The following SH3RF3 variants were observed in gnomAD, a reference collection of about 807,000 sequenced individuals.
SH3RF3 encodes SH3 domain containing ring finger 3, also known as E3 ubiquitin-protein ligase SH3RF3.
In SH3RF3, 29 loss-of-function variants were observed where a neutral mutation model predicts 66.3. That is an observed-to-expected ratio of 0.44 (90% CI 0.33 to 0.60). SH3RF3 has a LOEUF of 0.60. Ranked by LOEUF, SH3RF3 falls within the 20% of genes least tolerant of loss-of-function variation. The pLI is 0.04. For synonymous variants in SH3RF3, 583 were observed against 532.0 expected (o/e 1.10, Z -1.32); for missense variants, 1,194 against 1,190.9 (o/e 1.00, Z -0.04).
chr2:109,357,191 T>G (rs1384712950), intron 2 of SH3RF3, among the ~76,000 whole-genome samples: 2 of 147,980 alleles, frequency 1.4e-5, no homozygotes, highest in African/African-American at 5.2e-5. Flanking sequence ...GTTTTTTGGT[T>G]TTTTTTTTGA....
At chr2:109,463,671 G>A (rs1385884221) in intron 8 of SH3RF3, among the ~76,000 whole-genome samples, 1 of 152,242 alleles carries the variant, frequency 6.6e-6, no homozygotes, top group Non-Finnish European at 1.5e-5. Context: ...CAAAAGAGGA[G>A]ATGTTCATGT....
intron 8 of SH3RF3, among the ~76,000 whole-genome samples, chr2:109,477,519 G>C (rs1678715134): frequency 6.6e-6 from 1 of 152,226 alleles, no homozygotes; most frequent in African/African-American, 2.4e-5. Flanking sequence ...GAGACCAGGA[G>C]AGCCTCTCCC....
chr2:109,236,441 C>T (rs1679651962), intron 1 of SH3RF3, among the ~76,000 whole-genome samples: 1 of 152,160 alleles, frequency 6.6e-6, no homozygotes, highest in South Asian at 2.1e-4. Flanking sequence ...CAAACTTCAC[C>T]TTGAGCACAC....
At chr2:109,327,808 TATAC>T (rs1210764041) in intron 1 of SH3RF3, among the ~76,000 whole-genome samples, 2 of 152,256 alleles carry the variant, frequency 1.3e-5, no homozygotes, top group Non-Finnish European at 2.9e-5. Context: ...GACTTTTACA[TATAC>T]ATACCACTTC....
intron 1 of SH3RF3, among the ~76,000 whole-genome samples, chr2:109,339,682 C>G (rs1418692768): frequency 6.6e-6 from 1 of 152,182 alleles, no homozygotes; most frequent in Non-Finnish European, 1.5e-5. Context: ...CTGCTGGGGA[C>G]TTGCTCAAGT....
intron 1 of SH3RF3, among the ~76,000 whole-genome samples, chr2:109,163,604 T>A (rs1574482042): frequency 6.6e-6 from 1 of 151,578 alleles, no homozygotes; most frequent in Non-Finnish European, 1.5e-5. Context: ...TTTCACCGTT[T>A]TAGCCGGGAT....
At chr2:109,217,212 A>G (rs1179319542) in intron 1 of SH3RF3, among the ~76,000 whole-genome samples, 1 of 152,210 alleles carries the variant, frequency 6.6e-6, no homozygotes, top group Non-Finnish European at 1.5e-5. Context: ...TGTAGACAAT[A>G]TTCTGGGAGC....
At chr2:109,234,019 T>C (rs1337749549) in intron 1 of SH3RF3, among the ~76,000 whole-genome samples, 1 of 152,200 alleles carries the variant, frequency 6.6e-6, no homozygotes, top group African/African-American at 2.4e-5. Context: ...AACATTGACA[T>C]GAAGGTTTTT....
At chr2:109,391,493 T>G (rs1021385387) in intron 3 of SH3RF3, among the ~76,000 whole-genome samples, 2 of 152,224 alleles carry the variant, frequency 1.3e-5, no homozygotes, top group African/African-American at 4.8e-5. Flanking sequence ...AGCACACTCC[T>G]GCAGTGCTCT....
At chr2:109,457,827 A>T (rs1040128913) in intron 8 of SH3RF3, among the ~76,000 whole-genome samples, 1 of 152,104 alleles carries the variant, frequency 6.6e-6, no homozygotes, top group African/African-American at 2.4e-5. Flanking sequence ...CACCCCATAA[A>T]CTACATCAGA....
At chr2:109,390,438 G>T (rs1160919843) in intron 3 of SH3RF3, among the ~76,000 whole-genome samples, 2 of 152,090 alleles carry the variant, frequency 1.3e-5, no homozygotes, top group Non-Finnish European at 2.9e-5. Flanking sequence ...GAAATTTTCT[G>T]TTTTCTTATT....
chr2:109,395,648 C>T (rs575299679), intron 3 of SH3RF3, among the ~76,000 whole-genome samples: 7 of 152,314 alleles, frequency 4.6e-5, no homozygotes, highest in South Asian at 2.1e-4. Context: ...TCTCTGTCTC[C>T]GCCGTGAAGG....
chr2:109,395,569 A>C (rs772893778), intron 3 of SH3RF3, among the ~76,000 whole-genome samples: 2 of 152,072 alleles, frequency 1.3e-5, no homozygotes, highest in Non-Finnish European at 2.9e-5. Context: ...TTTTGCCTTC[A>C]CTTTCAGCAC....
chr2:109,207,049 CA>C (rs890980749), intron 1 of SH3RF3, among the ~76,000 whole-genome samples: 5 of 152,150 alleles, frequency 3.3e-5, no homozygotes, highest in African/African-American at 7.2e-5. Flanking sequence ...AGAACCTGAC[CA>C]TGCTCATTTG....
intron 8 of SH3RF3, among the ~76,000 whole-genome samples, chr2:109,479,369 C>T (rs1022255127): frequency 6.6e-6 from 1 of 152,186 alleles, no homozygotes; most frequent in Non-Finnish European, 1.5e-5. Context: ...TTAGAAAATA[C>T]AATTTGCCAC....
chr2:109,218,768 C>T (rs909206144), intron 1 of SH3RF3, among the ~76,000 whole-genome samples: 6 of 152,192 alleles, frequency 3.9e-5, no homozygotes, highest in African/African-American at 1.2e-4. Context: ...GACTTGGGCT[C>T]TGACTATATT....
chr2:109,191,347 G>A (rs1357621460), intron 1 of SH3RF3, among the ~76,000 whole-genome samples: 1 of 152,216 alleles, frequency 6.6e-6, no homozygotes, highest in Non-Finnish European at 1.5e-5. Context: ...GGACCCTGGA[G>A]GGGCCTTGCA....
chr2:109,139,441 A>G (rs1461624776), intron 1 of SH3RF3, among the ~76,000 whole-genome samples: 2 of 152,210 alleles, frequency 1.3e-5, no homozygotes, highest in African/African-American at 4.8e-5. Context: ...TCACACTCCT[A>G]ATAGGAAGAC....
At chr2:109,247,832 G>A (rs1210008874) in intron 1 of SH3RF3, among the ~76,000 whole-genome samples, 3 of 152,190 alleles carry the variant, frequency 2.0e-5, no homozygotes, top group Admixed American at 2.0e-4. Context: ...CAGCAAGGAT[G>A]GCCTGGGTTC....
Sources: allele counts gnomAD v4.1 joint callset (sites outside exome capture counted in the v4.1 genomes callset), GRCh38; gene constraint gnomAD v4.1.1; transcripts MANE v1.5; gene names NCBI Gene and HGNC (gene_info 2026-07-23, HGNC 2026-07-21).